The following RTF1 variants were observed in gnomAD, a reference collection of about 807,000 sequenced individuals.
RTF1 encodes the protein RNA polymerase-associated protein RTF1 homolog.
A neutral mutation model predicts 95.7 loss-of-function variants in RTF1; 10 were observed. That is an observed-to-expected ratio of 0.10 (90% CI 0.06 to 0.18). The LOEUF (loss-of-function observed/expected upper bound fraction) is 0.18, where lower values mean the gene tolerates loss of function less well. Among genes scored for constraint, RTF1 ranks in the 10% least tolerant of loss-of-function variants. The pLI is 1.00. For synonymous variants in RTF1, 305 were observed against 311.8 expected (o/e 0.98, Z 0.23); for missense variants, 458 against 875.6 (o/e 0.52, Z 6.02).
At chr15:41,475,478 C>T (rs780308940) in intron 9 of RTF1, 47 bp from the exon 10 acceptor site, 2 of 1,492,648 alleles carry the variant, frequency 1.3e-6, no homozygotes, top group African/African-American at 1.4e-5. Context: ...GCTTGTACTA[C>T]AGTCAACATG....
chr15:41,460,878 T>C (rs58926955), intron 4 of RTF1, among the ~76,000 whole-genome samples: 1 of 150,166 alleles, frequency 6.7e-6, no homozygotes. Context: ...TTCTTTTTTT[T>C]CTTTTTTTTT....
intron 12 of RTF1, among the ~76,000 whole-genome samples, chr15:41,476,950 T>C (rs1358660339): frequency 6.6e-6 from 1 of 152,244 alleles, no homozygotes; most frequent in Non-Finnish European, 1.5e-5. Flanking sequence ...CACAGCCAGG[T>C]AGCTGTATGG....
At chr15:41,447,985 C>A (rs1477121208) in intron 2 of RTF1, among the ~76,000 whole-genome samples, 2 of 152,184 alleles carry the variant, frequency 1.3e-5, no homozygotes, top group Non-Finnish European at 2.9e-5. Flanking sequence ...TTTACTACTA[C>A]ATCCTGGTGA....
chr15:41,464,807 G>A lies in RTF1; in HGVS notation c.699G>A (p.Lys233=). 6.4e-7 allele frequency: 1 copy of A among 1,561,046 alleles called. No individual in the cohort carries two copies. Among genetic ancestry groups the A allele is most frequent in the East Asian group, 2.3e-5 (1 of 43,628 alleles). The part of the protein sequence containing the change: ...EIKKKLKTAK[K]KEKKEKKKKQ... ...AGAAAAAACTAAAAACAGCCAAAAA[G>A]AAAGAAAAGAAAGAAAAGAAGAAAA... The change falls in exon 5 of 18, where the codon AAG becomes AAA. Residue 233 remains lysine (K), a synonymous_variant. Coordinates refer to ENST00000389629, the MANE Select transcript of RTF1 (RefSeq NM_015138.5).
intron 2 of RTF1, among the ~76,000 whole-genome samples, chr15:41,442,072 T>C (rs932216305): frequency 3.9e-5 from 6 of 152,140 alleles, no homozygotes; most frequent in African/African-American, 1.4e-4. Context: ...CTCAAACTTA[T>C]TGCTGCTGTG....
intron 6 of RTF1, among the ~76,000 whole-genome samples, chr15:41,466,581 C>T (rs910101347): frequency 6.6e-6 from 1 of 152,154 alleles, no homozygotes; most frequent in Non-Finnish European, 1.5e-5. Flanking sequence ...CTAGAAATAA[C>T]AATGAACTCT....
intron 1 of RTF1, among the ~76,000 whole-genome samples, chr15:41,418,672 TG>T (rs2050584081): frequency 1.3e-5 from 2 of 150,608 alleles, no homozygotes; most frequent in African/African-American, 4.9e-5. Flanking sequence ...TAGCGGGGCG[TG>T]GTGGCACATG....
chr15:41,439,598 A>G (rs2050722429), intron 2 of RTF1, among the ~76,000 whole-genome samples: 1 of 152,162 alleles, frequency 6.6e-6, no homozygotes, highest in African/African-American at 2.4e-5. Flanking sequence ...GAAGACAGGG[A>G]TGAGGGGAAA....
chr15:41,476,647 A>G, intron 12 of RTF1, 124 bp downstream of exon 12: 1 of 842,476 alleles, frequency 1.2e-6, no homozygotes, highest in Non-Finnish European at 2.0e-6. Context: ...GATTATAAGC[A>G]ACACAGTGTG....
intron 3 of RTF1, among the ~76,000 whole-genome samples, chr15:41,456,522 C>T (rs1017987089): frequency 4.0e-5 from 6 of 149,596 alleles, no homozygotes; most frequent in African/African-American, 1.2e-4. Flanking sequence ...GGGGGCCAGG[C>T]GCAGTGGCTC....
chr15:41,473,069 C>T (rs145837794), intron 8 of RTF1, among the ~76,000 whole-genome samples: 141 of 152,276 alleles, frequency 9.3e-4, no homozygotes, highest in African/African-American at 3.3e-3. Flanking sequence ...TGGTCTCAAA[C>T]TCCGGGCCTC....
intron 2 of RTF1, among the ~76,000 whole-genome samples, chr15:41,449,207 CCT>C (rs1342991291): frequency 6.7e-6 from 1 of 149,150 alleles, no homozygotes; most frequent in Non-Finnish European, 1.5e-5. Flanking sequence ...TTTTTTTGTC[CCT>C]GTTGTGGAGG....
intron 8 of RTF1, among the ~76,000 whole-genome samples, chr15:41,472,733 G>A (rs2050919759): frequency 7.0e-6 from 1 of 143,084 alleles, no homozygotes; most frequent in Admixed American, 7.0e-5. Context: ...ACGGAGTCTC[G>A]CTATGTGGCC....
At chr15:41,442,943 G>C (rs2050743079) in intron 2 of RTF1, among the ~76,000 whole-genome samples, 1 of 152,100 alleles carries the variant, frequency 6.6e-6, no homozygotes, top group South Asian at 2.1e-4. Flanking sequence ...AGCCCTCCTT[G>C]TACCAGAAGC....
intron 6 of RTF1, among the ~76,000 whole-genome samples, chr15:41,469,111 T>C (rs2140649842): frequency 6.6e-6 from 1 of 151,104 alleles, no homozygotes; most frequent in East Asian, 2.0e-4. Context: ...TGAGACTACA[T>C]GCGTGCACCA....
At chr15:41,471,468 T>A in intron 8 of RTF1, 119 bp downstream of exon 8, 1 of 1,050,696 alleles carries the variant, frequency 9.5e-7, no homozygotes, top group Non-Finnish European at 1.3e-6. Flanking sequence ...GAAAGTAGAC[T>A]CCAAGTGGGA....
chr15:41,480,558 C>A (rs368436348), intron 17 of RTF1, 23 bp from the exon 18 acceptor site: 72 of 1,570,262 alleles, frequency 4.6e-5, no homozygotes, highest in Non-Finnish European at 6.0e-5. Flanking sequence ...CCTCAGCTGC[C>A]AACTTGCTCT....
intron 6 of RTF1, among the ~76,000 whole-genome samples, chr15:41,469,849 T>G (rs1024643859): frequency 1.3e-5 from 2 of 152,164 alleles, no homozygotes; most frequent in Non-Finnish European, 2.9e-5. Context: ...TATAGCTGCA[T>G]AGTAGTTCAT....
chr15:41,481,627 A>G lies in RTF1; in HGVS notation c.*940A>G, dbSNP rs2050975763. ...GGGCAGTGAATGTCTTGCTCTTCCC[A>G]TGGGTACAGCCCACAGCTTCTTGGC... On this transcript the variant is annotated 3_prime_UTR_variant, in exon 18 of 18. Coordinates refer to ENST00000389629, the MANE Select transcript of RTF1 (RefSeq NM_015138.5). 6.6e-6 allele frequency: 1 copy of G among 152,482 alleles called. No individual in the cohort carries two copies. Among genetic ancestry groups the G allele is most frequent in the African/African-American group, 2.4e-5 (1 of 41,456 alleles). The allele number at this position is 152,482 out of a possible 1,614,324, so 9.4% of individuals were successfully genotyped here. A position where few individuals can be genotyped will look rare whatever the true frequency, so the allele number is the denominator to read the frequency against.
Sources: allele counts gnomAD v4.1 joint callset (sites outside exome capture counted in the v4.1 genomes callset), GRCh38; gene constraint gnomAD v4.1.1; transcripts MANE v1.5; gene names NCBI Gene and HGNC (gene_info 2026-07-23, HGNC 2026-07-21).